The following DPP6 variants were observed in gnomAD, a reference collection of about 807,000 sequenced individuals.
DPP6 encodes the protein A-type potassium channel modulatory protein DPP6.
DPP6 carries 69 observed loss-of-function variants against 122.6 expected under a neutral mutation model. The ratio of observed to expected loss-of-function variants is 0.56; its 90% CI spans 0.46 to 0.69. The LOEUF (loss-of-function observed/expected upper bound fraction) is 0.69. Ranked by LOEUF, DPP6 falls within the 30% of genes least tolerant of loss-of-function variation. DPP6 has a pLI of 0.00. For synonymous variants in DPP6, 418 were observed against 433.1 expected (o/e 0.97, Z 0.43); for missense variants, 928 against 1,116.9 (o/e 0.83, Z 2.41).
At chr7:153,776,442 C>T in the DPP6 span, among the ~76,000 whole-genome samples, 7 of 152,076 alleles carry the variant, frequency 4.6e-5, no homozygotes, top group Middle Eastern at 3.2e-3. Flanking sequence ...TGAAGAAGGA[C>T]GTGTTTGCTT....
the DPP6 span, among the ~76,000 whole-genome samples, chr7:153,835,497 T>C: frequency 2.2e-4 from 33 of 152,170 alleles, no homozygotes; most frequent in African/African-American, 7.5e-4. Flanking sequence ...GTTCTATACA[T>C]ACATAAGATT....
intron 1 of DPP6, among the ~76,000 whole-genome samples, chr7:154,300,958 T>C (rs947192928): frequency 1.3e-5 from 2 of 152,220 alleles, no homozygotes; most frequent in Admixed American, 6.5e-5. Flanking sequence ...TTAATATGGC[T>C]GATGTCCTTA....
At chr7:153,757,265 A>G in the DPP6 span, among the ~76,000 whole-genome samples, 2 of 152,226 alleles carry the variant, frequency 1.3e-5, no homozygotes, top group African/African-American at 2.4e-5. Flanking sequence ...GAAAATTTCA[A>G]ATGCAATATT....
the DPP6 span, among the ~76,000 whole-genome samples, chr7:153,828,132 C>A: frequency 6.6e-6 from 1 of 152,298 alleles, no homozygotes; most frequent in East Asian, 1.9e-4. Context: ...AAGTGCAGAA[C>A]CTGAAGTGTC....
chr7:153,823,550 C>A, the DPP6 span, among the ~76,000 whole-genome samples: 5 of 149,562 alleles, frequency 3.3e-5, no homozygotes, highest in Admixed American at 2.0e-4. Context: ...CACAATTCCC[C>A]AGTCCCCGGC....
chr7:154,145,132 G>C (rs1213136546), intron 1 of DPP6, among the ~76,000 whole-genome samples: 1 of 152,164 alleles, frequency 6.6e-6, no homozygotes, highest in East Asian at 1.9e-4. Context: ...TTATAATTAA[G>C]GTCCTGGATC....
Position 154,885,727 on chromosome 7 carries a change from C to T in DPP6, c.2228C>T (p.Thr743Ile). The change falls in exon 22 of 26, where the codon ACA becomes ATA. Residue 743 changes from threonine (T) to isoleucine (I), a missense_variant. Physicochemically the swap from Thr to Ile is moderately conservative, Grantham distance 89. Coordinates refer to ENST00000377770, the MANE Select transcript of DPP6 (RefSeq NM_130797.4). ...FTCGSALSPI[T>I]DFKLYASAFS... Reference sequence around the variant, plus strand: ...TGCGGCTCTGCTCTCTCTCCAATAACAGACTTCAAACTCTATGGTAAATAG... The same window carrying T: ...TGCGGCTCTGCTCTCTCTCCAATAATAGACTTCAAACTCTATGGTAAATAG... 6.3e-7 allele frequency: 1 copy of T among 1,595,786 alleles called. No individual in the cohort carries two copies.
At chr7:154,105,080 T>C (rs1806055705) in intron 1 of DPP6, among the ~76,000 whole-genome samples, 1 of 152,216 alleles carries the variant, frequency 6.6e-6, no homozygotes, top group South Asian at 2.1e-4. Flanking sequence ...TGAGCCATGA[T>C]TTCACCACTG....
rs367971888 is a variant in DPP6 at position 154,236,129 on chromosome 7, A to G, written c.243+183066A>G. ...TGGCCTCCCAAAGTGCTGGGATTAC[A>G]GATGTGAGCCACTGTGTCCAGCCAG... On this transcript the variant is annotated intron_variant, in intron 1 of 25. Transcript: ENST00000377770. 2.6e-5 allele frequency among the ~76,000 whole-genome samples: 4 copies of G among 152,340 alleles called. No homozygotes were observed. The East Asian group carries it at 7.7e-4, about 29-fold the overall frequency.
chr7:154,873,789 T>C lies in DPP6; in HGVS notation c.1883+1096T>C, dbSNP rs192486246. On this transcript the variant is annotated intron_variant, in intron 19 of 25. Coordinates refer to ENST00000377770, the MANE Select transcript of DPP6 (RefSeq NM_130797.4). ...ACGCACATGCACACACACCCACATG[T>C]GCACACATGCATCCACACACACACA... Among the ~76,000 whole-genome samples, 257 of 148,354 alleles carry C rather than the reference T, an allele frequency of 1.7e-3. 1 individual carries two copies. Among genetic ancestry groups the C allele is most frequent in the Middle Eastern group, 7.1e-3 (2 of 282 alleles).
chr7:154,174,310 A>C (rs1797685536), intron 1 of DPP6, among the ~76,000 whole-genome samples: 1 of 152,264 alleles, frequency 6.6e-6, no homozygotes, highest in Non-Finnish European at 1.5e-5. Flanking sequence ...GATTCATTAC[A>C]GTGCATGGCA....
At chr7:154,127,399 A>G (rs1181354162) in intron 1 of DPP6, among the ~76,000 whole-genome samples, 2 of 152,184 alleles carry the variant, frequency 1.3e-5, no homozygotes, top group African/African-American at 4.8e-5. Context: ...GAGGAAATGT[A>G]GTCAAGAAAA....
At chr7:153,783,816 A>G in the DPP6 span, among the ~76,000 whole-genome samples, 1 of 152,222 alleles carries the variant, frequency 6.6e-6, no homozygotes, top group East Asian at 1.9e-4. Flanking sequence ...AGAGAAGTGG[A>G]TAGAATATTC....
At chr7:154,534,464 AT>A (rs1271917035) in intron 3 of DPP6, among the ~76,000 whole-genome samples, 1 of 152,186 alleles carries the variant, frequency 6.6e-6, no homozygotes, top group East Asian at 1.9e-4. Flanking sequence ...GCATAACATG[AT>A]TGTGTATGTT....
the DPP6 span, among the ~76,000 whole-genome samples, chr7:153,809,621 C>T: frequency 6.6e-6 from 1 of 152,116 alleles, no homozygotes; most frequent in African/African-American, 2.4e-5. Flanking sequence ...GTTGGTGGAA[C>T]TCAGGAAATT....
intron 1 of DPP6, among the ~76,000 whole-genome samples, chr7:153,900,534 CAAGA>C (rs954118397): frequency 6.6e-6 from 1 of 152,042 alleles, no homozygotes; most frequent in African/African-American, 2.4e-5. Context: ...ATAGAGGGAA[CAAGA>C]GAGAGAGGAA....
chr7:154,497,898 T>C lies in DPP6; in HGVS notation c.457+22861T>C, dbSNP rs148664887. On this transcript the variant is annotated intron_variant, in intron 3 of 25. Transcript: ENST00000377770. ...CTGACAACTGGACTTACCTGTTTTA[T>C]CTTTATACCAGAAACCAGCCCACTC... 1.2e-3 allele frequency among the ~76,000 whole-genome samples: 181 copies of C among 152,284 alleles called. 1 individual carries two copies. Among genetic ancestry groups the C allele is most frequent in the African/African-American group, 4.2e-3 (173 of 41,564 alleles).
chr7:153,855,897 G>T, the DPP6 span, among the ~76,000 whole-genome samples: 2 of 152,020 alleles, frequency 1.3e-5, no homozygotes, highest in Non-Finnish European at 2.9e-5. Flanking sequence ...GCATTTCCCA[G>T]TCTTACCTTT....
chr7:154,392,002 G>A (rs142073304), intron 1 of DPP6, among the ~76,000 whole-genome samples: 22 of 152,262 alleles, frequency 1.4e-4, no homozygotes, highest in African/African-American at 4.8e-4. Flanking sequence ...GGCCGGGCGC[G>A]GCGGCTCACA....
Sources: gnomAD v4.1 joint callset for allele counts (sites outside exome capture counted in the v4.1 genomes callset) on GRCh38, gnomAD v4.1.1 for gene constraint, MANE v1.5 for transcripts, NCBI Gene and HGNC (gene_info 2026-07-23, HGNC 2026-07-21) for gene names.